Variants in RADIL observed in about 807,000 individuals in gnomAD.
RADIL encodes ras-associating and dilute domain-containing protein.
In RADIL, 99 loss-of-function variants were observed where a neutral mutation model predicts 97.6. The observed-to-expected ratio is 1.01, with a 90% confidence interval of 0.86 to 1.20. The LOEUF (loss-of-function observed/expected upper bound fraction) is 1.20. RADIL is among the 50% of genes most tolerant of loss of function. RADIL has a pLI of 0.00. For synonymous variants in RADIL, 803 were observed against 691.8 expected (o/e 1.16, Z -2.52); for missense variants, 1,765 against 1,498.9 (o/e 1.18, Z -2.93).
In RADIL at chr7:4,804,177, G is replaced by T. The variant is rs551384602; in HGVS notation, c.2291-423C>A. 4 of 288,236 alleles carry T rather than the reference G, an allele frequency of 1.4e-5. No individual in the cohort carries two copies. In the South Asian group the frequency reaches 1.4e-4, roughly 10 times the overall value. The allele number at this position is 288,236 out of a possible 1,614,324, so 17.9% of individuals were successfully genotyped here. On this transcript the variant is annotated intron_variant, in intron 10 of 14. Coordinates refer to ENST00000399583, the MANE Select transcript of RADIL (RefSeq NM_018059.5). The stretch of plus-strand genomic sequence containing the variant: ...CTGCAGGAATCACGGGACCCAAACG[G>T]CCTGTGTGCGGGCTGCTCTCTGCCC...
rs2115024408 is a variant in RADIL at position 4,854,332 on chromosome 7, TGG to T, written c.536-17729_536-17728del. Among the ~76,000 whole-genome samples, 2 of 152,168 alleles carry T rather than the reference TGG, an allele frequency of 1.3e-5. No individual in the cohort carries two copies. The highest frequency in any genetic ancestry group is 4.8e-5 in the African/African-American group (2 of 41,524). ...TCCAAACTGATGAGGGGGCATTAGGTGGGGTTTTCTGTTTGCTTTTGTTTCTG... is the reference window on the plus strand; with the variant it reads ...TCCAAACTGATGAGGGGGCATTAGGTGGTTTTCTGTTTGCTTTTGTTTCTG... On this transcript the variant is annotated intron_variant, in intron 2 of 14. Transcript: ENST00000399583. This position sits in a 1 kb window ranked among gnomAD's most constrained non-coding sequence, Gnocchi z 5.1.
Position 4,834,756 on chromosome 7 carries a change from T to G in RADIL, c.1267A>C (p.Thr423Pro). The G allele has an allele frequency of 7.1e-7, 1 of 1,400,922 alleles. No individual in the cohort carries two copies. 86.8% of individuals were successfully genotyped at this position (1,400,922 alleles called of 1,614,324 possible). The change falls in exon 4 of 15, where the codon ACG becomes CCG. Residue 423 changes from threonine to proline, a missense_variant. By Grantham distance (38) the Thr-to-Pro change is conservative. Coordinates refer to ENST00000399583, the MANE Select transcript of RADIL (RefSeq NM_018059.5). The surrounding 1 kb of genome is among the most constrained non-coding windows in gnomAD (Gnocchi z 6.0). ...LEDTLLQRIM[T>P]LIEPGGDDHK... ...TCGTCGCCCCCCGGCTCGATCAACG[T>G]CATGATCCTCTGCAGCAGCGTGTCC... is the stretch of plus-strand genomic sequence containing the variant.
At position 4,878,103 on chromosome 7, in the gene RADIL, TG is replaced by T; in HGVS notation, c.36del (p.Thr13ProfsTer5). On this transcript the variant is annotated frameshift_variant, in exon 2 of 15. Coordinates refer to ENST00000399583, the MANE Select transcript of RADIL (RefSeq NM_018059.5). LOFTEE classifies it high-confidence loss of function. This position sits in a 1 kb window ranked among gnomAD's most constrained non-coding sequence, Gnocchi z 4.1. ...CTCTGCCGCTTCAGTTTGCTCTTGG[TG>T]GGCGGGGACATGATGAAGTGCGTCC... Reference protein sequence around the residue: ...FYGTHFIMSPPTKSKLKRQSQ... With the variant: ...FYGTHFIMSPXTKSKLKRQSQ... 6.3e-7 allele frequency: 1 copy of T among 1,584,664 alleles called. No individual in the cohort carries two copies.
intron 2 of RADIL, chr7:4,865,707 T>A: frequency 9.8e-7 from 1 of 1,021,660 alleles, no homozygotes; most frequent in East Asian, 2.4e-5. Context: ...CATCTGTGAT[T>A]CCATCTTCTA....
rs372211114 is a variant in RADIL, at chr7:4,834,090, C to T, written c.1416+517G>A. Among the ~76,000 whole-genome samples the T allele has an allele frequency of 4.6e-5, 7 of 152,164 alleles. No individual in the cohort carries two copies. The highest frequency in any genetic ancestry group is 9.7e-5 in the African/African-American group (4 of 41,434). On this transcript the variant is annotated intron_variant, in intron 4 of 14. Transcript: ENST00000399583. This position sits in a 1 kb window ranked among gnomAD's most constrained non-coding sequence, Gnocchi z 6.0. ...GCTGGCCTGGAGGAAAGTTCGTCAA[C>T]GCACAAAAGGTGACGGGCCCTGCAC...
At position 4,835,610 on chromosome 7, in the gene RADIL, TGTGTGGGAGCACCACCCCCA is replaced by T. The variant is rs988678289; in HGVS notation, c.784-391_784-372del. ...AAAACTGTGTGGGAGCACTGCCGCC[TGTGTGGGAGCACCACCCCCA>T]GTGTGGGAGCACTGCCGCCTGTGTG... On this transcript the variant is annotated intron_variant, in intron 3 of 14. Coordinates refer to ENST00000399583, the MANE Select transcript of RADIL (RefSeq NM_018059.5). The surrounding 1 kb of genome is among the most constrained non-coding windows in gnomAD (Gnocchi z 5.8). Among the ~76,000 whole-genome samples, 112 of 152,074 alleles carry T rather than the reference TGTGTGGGAGCACCACCCCCA, an allele frequency of 7.4e-4. No homozygotes were observed. The East Asian group carries it at 8.3e-3, about 11-fold the overall frequency.
rs1018859378 is a variant in RADIL, at chr7:4,849,374, T to G, written c.536-12769A>C. Among the ~76,000 whole-genome samples, 2 of 152,328 alleles carry G rather than the reference T, an allele frequency of 1.3e-5. No homozygotes were observed. The highest frequency in any genetic ancestry group is 3.9e-4 in the East Asian group (2 of 5,192). On this transcript the variant is annotated intron_variant, in intron 2 of 14. Coordinates refer to ENST00000399583, the MANE Select transcript of RADIL (RefSeq NM_018059.5). The surrounding 1 kb of genome is among the most constrained non-coding windows in gnomAD (Gnocchi z 5.4). ...TTTTCATTCTACTGCAAGAATGAAT[T>G]AATGAATGAATGAACGTTGATGGGA...
chr7:4,805,493 C>G, intron 10 of RADIL, 73 bp downstream of exon 10: 1 of 1,474,932 alleles, frequency 6.8e-7, no homozygotes, highest in Non-Finnish European at 9.0e-7. Flanking sequence ...GGGATGAGAG[C>G]ATGCTGCCTC....
At chr7:4,803,314 C>A (rs1209713521) in intron 11 of RADIL, among the ~76,000 whole-genome samples, 2 of 106,122 alleles carry the variant, frequency 1.9e-5, no homozygotes, top group Non-Finnish European at 3.7e-5. Flanking sequence ...GCCCCCTCCC[C>A]GGGCACCTCA....
rs931243012 is a variant in RADIL, at chr7:4,879,168, G to A, written c.-64-965C>T. On this transcript the variant is annotated intron_variant, in intron 1 of 14. Coordinates refer to ENST00000399583, the MANE Select transcript of RADIL (RefSeq NM_018059.5). This position sits in a 1 kb window ranked among gnomAD's most constrained non-coding sequence, Gnocchi z 4.1. Reference sequence around the variant, plus strand: ...GCAGGCGTCCCGCCCACCACAGGCCGCGGGTGCCCGGCGCTCCAGGCCACA... The same window carrying A: ...GCAGGCGTCCCGCCCACCACAGGCCACGGGTGCCCGGCGCTCCAGGCCACA... Among the ~76,000 whole-genome samples the A allele has an allele frequency of 6.6e-5, 10 of 152,256 alleles. No individual in the cohort carries two copies. The highest frequency in any genetic ancestry group is 2.4e-4 in the African/African-American group (10 of 41,478).
In RADIL at chr7:4,799,704, GGCC is replaced by G; in HGVS notation, c.3045_3047del (p.Ala1016del). 6.4e-7 allele frequency: 1 copy of G among 1,573,364 alleles called. No homozygotes were observed. The highest frequency in any genetic ancestry group is 1.3e-5 in the African/African-American group (1 of 74,370). ...GGTCCCCCAGCGACAGGCGCCCGTC[GGCC>G]GCTGCGGGGCTGCCCGGGAGCAGGG... On this transcript the variant is annotated inframe_deletion, in exon 14 of 15. Coordinates refer to ENST00000399583, the MANE Select transcript of RADIL (RefSeq NM_018059.5).
chr7:4,848,995 G>A (rs1005922060), intron 2 of RADIL, among the ~76,000 whole-genome samples: 4 of 152,074 alleles, frequency 2.6e-5, no homozygotes, highest in East Asian at 1.9e-4. Flanking sequence ...AAAATTAGCC[G>A]GGCGTGGTGG....
chr7:4,847,785 T>C (rs1324980838), intron 2 of RADIL, among the ~76,000 whole-genome samples: 5 of 126,822 alleles, frequency 3.9e-5, no homozygotes, highest in African/African-American at 1.5e-4. Flanking sequence ...TATGACTCTA[T>C]ATATACGAAA....
intron 5 of RADIL, among the ~76,000 whole-genome samples, chr7:4,828,423 G>A (rs567921316): frequency 2.0e-4 from 31 of 152,298 alleles, no homozygotes; most frequent in Admixed American, 1.5e-3. Flanking sequence ...GCGCCAATGC[G>A]CTCCAGCCTG....
chr7:4,865,298 C>T, intron 2 of RADIL: 1 of 461,472 alleles, frequency 2.2e-6, no homozygotes. Flanking sequence ...GACAACAGAC[C>T]ATATATACAA....
At position 4,817,395 on chromosome 7, in the gene RADIL, C is replaced by T. The variant is rs769523213; in HGVS notation, c.1616-44G>A. 22 of 1,547,844 alleles carry T rather than the reference C, an allele frequency of 1.4e-5. No individual in the cohort carries two copies. The highest frequency in any genetic ancestry group is 1.9e-5 in the Non-Finnish European group (22 of 1,134,998). Reference sequence around the variant, plus strand: ...GCCAATGGTCACAACGGGCACAGCGCTCAGGAACGCAGCAACTCAGCCAGC... The same window carrying T: ...GCCAATGGTCACAACGGGCACAGCGTTCAGGAACGCAGCAACTCAGCCAGC... On this transcript the variant is annotated intron_variant, in intron 6 of 14. Transcript: ENST00000399583. This position sits in a 1 kb window ranked among gnomAD's most constrained non-coding sequence, Gnocchi z 8.3.
At chr7:4,860,767 G>A (rs781220770) in intron 2 of RADIL, 59 of 1,614,058 alleles carry the variant, frequency 3.7e-5, no homozygotes, top group Non-Finnish European at 4.8e-5. Flanking sequence ...TCTCGTGTGT[G>A]ATAGCAAGCC....
chr7:4,805,554 G>A lies in RADIL; in HGVS notation c.2290+12C>T. 1 of 1,578,758 alleles carries A rather than the reference G, an allele frequency of 6.3e-7. No homozygotes were observed. The highest frequency in any genetic ancestry group is 8.6e-7 in the Non-Finnish European group (1 of 1,159,826). On this transcript the variant is annotated intron_variant, in intron 10 of 14. Coordinates refer to ENST00000399583, the MANE Select transcript of RADIL (RefSeq NM_018059.5). The stretch of plus-strand genomic sequence containing the variant: ...AGTCCCCAGCCCTCTCCTGCCCTGG[G>A]GCAGGGCTTACCTGACCTGAAGGCC...
rs939211600 is a variant in RADIL at position 4,873,547 on chromosome 7, G to A, written c.535+4058C>T. On this transcript the variant is annotated intron_variant, in intron 2 of 14. Transcript: ENST00000399583. This position sits in a 1 kb window ranked among gnomAD's most constrained non-coding sequence, Gnocchi z 4.3. ...AGGAGCTGAAGGGGCCCTGGCGTGCGCTGGACCTCACTGGGCCTGCCCTGC... is the reference window on the plus strand; with the variant it reads ...AGGAGCTGAAGGGGCCCTGGCGTGCACTGGACCTCACTGGGCCTGCCCTGC... Among the ~76,000 whole-genome samples the A allele has an allele frequency of 3.3e-5, 5 of 152,300 alleles. No homozygotes were observed. Among genetic ancestry groups the A allele is most frequent in the Middle Eastern group, 3.4e-3 (1 of 294 alleles).
Sources: gnomAD v4.1 joint callset for allele counts (sites outside exome capture counted in the v4.1 genomes callset) on GRCh38, gnomAD v4.1.1 for gene constraint, Gnocchi (gnomAD v3.1) non-coding constraint, MANE v1.5 for transcripts, NCBI Gene and HGNC (gene_info 2026-07-23, HGNC 2026-07-21) for gene names.